PCDH11X: variants seen among roughly 807,000 people sequenced by gnomAD.
PCDH11X encodes the protein protocadherin-11 X-linked.
PCDH11X carries 18 observed loss-of-function variants against 53.3 expected under a neutral mutation model. That is an observed-to-expected ratio of 0.34 (90% CI 0.23 to 0.50). The LOEUF is 0.50. Among genes scored for constraint, PCDH11X ranks in the 20% least tolerant of loss-of-function variants. PCDH11X has a pLI of 0.98. For missense variants in PCDH11X, 570 were observed against 1,032.4 expected (o/e 0.55, Z 6.14); for synonymous variants, 279 against 393.3 (o/e 0.71, Z 3.44).
At chrX:92,026,952 C>T (rs1244307520) in intron 6 of PCDH11X, among the ~76,000 whole-genome samples, 1 of 93,008 alleles carries the variant, frequency 1.1e-5, no homozygotes, top group Non-Finnish European at 2.1e-5. Flanking sequence ...CATCTTTTGC[C>T]CTGTCTTCTT....
chrX:92,215,268 C>T (rs556434746), intron 7 of PCDH11X, among the ~76,000 whole-genome samples: 99 of 109,356 alleles, frequency 9.1e-4, no homozygotes, highest in South Asian at 6.4e-3. Context: ...ACTCGGGAAG[C>T]GCAAGGGGTC....
chrX:92,143,481 C>A (rs760615302), intron 6 of PCDH11X, among the ~76,000 whole-genome samples: 2 of 112,684 alleles, frequency 1.8e-5, no homozygotes, highest in African/African-American at 6.4e-5. Flanking sequence ...AAGGGGCCAA[C>A]GTAGAGCTTG....
At chrX:92,495,495 C>T (rs1275728059) in intron 10 of PCDH11X, among the ~76,000 whole-genome samples, 1 of 109,396 alleles carries the variant, frequency 9.1e-6, no homozygotes, top group Non-Finnish European at 1.9e-5. Flanking sequence ...GCTGTCATAC[C>T]AGCTAAGATA....
intron 8 of PCDH11X, among the ~76,000 whole-genome samples, chrX:92,331,949 C>T (rs2069500818): frequency 9.0e-6 from 1 of 111,514 alleles, no homozygotes; most frequent in Non-Finnish European, 1.9e-5. Flanking sequence ...TTCCATCTTT[C>T]CTTCTCCTTG....
chrX:92,321,116 A>C (rs1012064166), intron 8 of PCDH11X, among the ~76,000 whole-genome samples: 1 of 108,854 alleles, frequency 9.2e-6, no homozygotes, highest in African/African-American at 3.4e-5. Context: ...GTCTTGTACA[A>C]TCAAAGCTAT....
intron 10 of PCDH11X, among the ~76,000 whole-genome samples, chrX:92,616,725 C>T (rs1931234421): frequency 9.3e-6 from 1 of 107,500 alleles, no homozygotes; most frequent in Admixed American, 1.0e-4. Flanking sequence ...TTACCTTTCC[C>T]CATAAATTAT....
intron 6 of PCDH11X, among the ~76,000 whole-genome samples, chrX:92,003,537 G>A (rs1160504343): frequency 1.3e-4 from 13 of 100,183 alleles, no homozygotes; most frequent in African/African-American, 4.8e-4. Flanking sequence ...TTTTTTTGAT[G>A]GGAGAGTTTT....
At position 91,921,646 on chromosome X, in the gene PCDH11X, ATT is replaced by A. The variant is rs142134686; in HGVS notation, c.3033+42382_3033+42383del. Among the ~76,000 whole-genome samples, 15 of 94,040 alleles carry A rather than the reference ATT, an allele frequency of 1.6e-4. 1 individual carries two copies. The highest frequency in any genetic ancestry group is 5.1e-4 in the African/African-American group (13 of 25,376). 81.7% of individuals were successfully genotyped at this position (94,040 alleles called of 115,157 possible). A position where few individuals can be genotyped will look rare whatever the true frequency, so the allele number is the denominator to read the frequency against. On this transcript the variant is annotated intron_variant, in intron 6 of 10. Coordinates refer to ENST00000682573, the MANE Select transcript of PCDH11X (RefSeq NM_032968.5). ...ATGCCTTTTCATGGCTTGATAGATC[ATT>A]TTTTTTTTAGCAATGAATAATCATT...
At chrX:92,195,515 TG>T (rs757463234) in intron 6 of PCDH11X, among the ~76,000 whole-genome samples, 1 of 111,616 alleles carries the variant, frequency 9.0e-6, no homozygotes, top group African/African-American at 3.3e-5. Context: ...CTCATTACCT[TG>T]TGCTGACAAA....
At position 92,585,399 on chromosome X, in the gene PCDH11X, T is replaced by G. The variant is rs1214732583; in HGVS notation, c.3368-32865T>G. Among the ~76,000 whole-genome samples the G allele has an allele frequency of 1.0e-4, 10 of 97,884 alleles. 1 individual carries two copies. Among genetic ancestry groups the G allele is most frequent in the Admixed American group, 7.9e-4 (7 of 8,888 alleles). The allele number at this position is 97,884 out of a possible 115,157, so 85.0% of individuals were successfully genotyped here. On this transcript the variant is annotated intron_variant, in intron 10 of 10. Coordinates refer to ENST00000682573, the MANE Select transcript of PCDH11X (RefSeq NM_032968.5). ...TTTTTTTTTTTTTTTTGGGACAGAG[T>G]CTCGCTCTGTCGCCCAGGCTGGAGT...
intron 6 of PCDH11X, among the ~76,000 whole-genome samples, chrX:92,010,509 C>T (rs752085339): frequency 1.2e-4 from 13 of 110,604 alleles, no homozygotes; most frequent in African/African-American, 3.6e-4. Flanking sequence ...TCACAATGAC[C>T]GGTACGTAGG....
At chrX:92,610,998 G>A (rs1927307223) in intron 10 of PCDH11X, among the ~76,000 whole-genome samples, 1 of 111,240 alleles carries the variant, frequency 9.0e-6, no homozygotes, top group African/African-American at 3.3e-5. Flanking sequence ...TATTACTGTA[G>A]CCTTATAGTA....
At chrX:92,519,170 A>G (rs999220635) in intron 10 of PCDH11X, among the ~76,000 whole-genome samples, 3 of 110,376 alleles carry the variant, frequency 2.7e-5, no homozygotes, top group African/African-American at 9.8e-5. Flanking sequence ...ACACACGCCT[A>G]GTGCTTAATA....
intron 8 of PCDH11X, among the ~76,000 whole-genome samples, chrX:92,357,916 T>G (rs760924251): frequency 9.0e-6 from 1 of 111,394 alleles, no homozygotes; most frequent in Non-Finnish European, 1.9e-5. Flanking sequence ...CAGATAAAAT[T>G]TTGGTCATAG....
At chrX:91,839,669 C>A (rs1417358278) in intron 5 of PCDH11X, among the ~76,000 whole-genome samples, 1 of 109,038 alleles carries the variant, frequency 9.2e-6, no homozygotes, top group Admixed American at 9.9e-5. Context: ...AAGTGATTAC[C>A]AAGTAATTCT....
At chrX:92,147,807 C>CT (rs778423389) in intron 6 of PCDH11X, among the ~76,000 whole-genome samples, 34,512 of 80,894 alleles carry the variant, frequency 0.43, 7,079 homozygotes, top group African/African-American at 0.52. Flanking sequence ...TCTTTTCTTC[C>CT]TTCCTTTCTT....
chrX:92,412,082 GGAA>G (rs34909414), intron 9 of PCDH11X, among the ~76,000 whole-genome samples: 12,017 of 78,463 alleles, frequency 0.15, 917 homozygotes, highest in African/African-American at 0.36. Context: ...AGGAGGAGGA[GGAA>G]GAAGAAGAAG....
chrX:92,465,250 CA>C (rs1263905324), intron 9 of PCDH11X, among the ~76,000 whole-genome samples: 1 of 111,574 alleles, frequency 9.0e-6, no homozygotes, highest in East Asian at 2.8e-4. Flanking sequence ...CTATAATAAA[CA>C]TTGTAATTCA....
At position 92,403,329 on chromosome X, in the gene PCDH11X, G is replaced by GTTTT. The variant is rs1178198433; in HGVS notation, c.3343+15402_3343+15405dup. Among the ~76,000 whole-genome samples, 1,005 of 58,692 alleles carry GTTTT rather than the reference G, an allele frequency of 0.017. 165 individuals carry two copies. The East Asian group carries it at 0.22, about 13-fold the overall frequency. The allele number at this position is 58,692 out of a possible 115,157, so 51.0% of individuals were successfully genotyped here. A position where few individuals can be genotyped will look rare whatever the true frequency, so the allele number is the denominator to read the frequency against. On this transcript the variant is annotated intron_variant, in intron 9 of 10. Coordinates refer to ENST00000682573, the MANE Select transcript of PCDH11X (RefSeq NM_032968.5). ...CTGGGATATGTGTCCGGGCATTTAC[G>GTTTT]TTTTTTTTTGTTTTTTTTTTTTTTT...
Sources: allele counts gnomAD v4.1 joint callset (sites outside exome capture counted in the v4.1 genomes callset), GRCh38; gene constraint gnomAD v4.1.1; transcripts MANE v1.5; gene names NCBI Gene and HGNC (gene_info 2026-07-23, HGNC 2026-07-21).